The following ARHGEF28 variants were observed in gnomAD, a reference collection of about 807,000 sequenced individuals.
The protein encoded by ARHGEF28 is Rho guanine nucleotide exchange factor 28.
In ARHGEF28, 152 loss-of-function variants were observed where a neutral mutation model predicts 206.6. That is an observed-to-expected ratio of 0.74 (90% confidence interval 0.64 to 0.84). The LOEUF (loss-of-function observed/expected upper bound fraction) is 0.84. Among genes scored for constraint, ARHGEF28 ranks in the 40% least tolerant of loss-of-function variants. The pLI, the probability that ARHGEF28 is intolerant of heterozygous loss-of-function variation, is 0.00. For missense variants in ARHGEF28, 2,028 were observed against 2,073.2 expected (o/e 0.98, Z 0.42); for synonymous variants, 763 against 776.4 (o/e 0.98, Z 0.29).
intron 4 of ARHGEF28, among the ~76,000 whole-genome samples, chr5:73,754,245 A>G (rs1222120074): frequency 1.3e-5 from 2 of 152,222 alleles, no homozygotes; most frequent in African/African-American, 2.4e-5. Context: ...ACAGAATTAT[A>G]AAGCCATAAG....
chr5:73,632,989 C>T (rs1743462825), intron 1 of ARHGEF28, among the ~76,000 whole-genome samples: 1 of 151,708 alleles, frequency 6.6e-6, no homozygotes, highest in Non-Finnish European at 1.5e-5. Context: ...AGTTTGTTTT[C>T]CTGCAACTAG....
At chr5:73,808,400 G>A (rs776342570) in intron 9 of ARHGEF28, among the ~76,000 whole-genome samples, 9 of 152,100 alleles carry the variant, frequency 5.9e-5, no homozygotes, top group Non-Finnish European at 7.3e-5. Flanking sequence ...GAGTGACAGC[G>A]TCTTGGCACA....
At chr5:73,779,395 C>T (rs1753709523) in intron 6 of ARHGEF28, among the ~76,000 whole-genome samples, 2 of 152,050 alleles carry the variant, frequency 1.3e-5, no homozygotes, top group African/African-American at 4.8e-5. Context: ...AAGGTATATT[C>T]AAAATTACTT....
chr5:73,893,757 C>A (rs1418436434), intron 28 of ARHGEF28, among the ~76,000 whole-genome samples: 1 of 152,154 alleles, frequency 6.6e-6, no homozygotes, highest in Non-Finnish European at 1.5e-5. Context: ...TGGGCCTCAC[C>A]CTCCACCGAT....
rs949591944 is a variant in ARHGEF28 at position 73,795,232 on chromosome 5, T to C, written c.964-99T>C. 25 of 1,069,670 alleles carry C rather than the reference T, an allele frequency of 2.3e-5. No individual in the cohort carries two copies. In the East Asian group the frequency reaches 4.3e-4, roughly 18 times the overall value. 66.3% of individuals were successfully genotyped at this position (1,069,670 alleles called of 1,614,324 possible). On this transcript the variant is annotated intron_variant, in intron 8 of 35. Coordinates refer to ENST00000513042, the MANE Select transcript of ARHGEF28 (RefSeq NM_001177693.2). The stretch of plus-strand genomic sequence containing the variant: ...TGATGATACTTGTAACATGTTTTCA[T>C]TGATGCTTTCCAAGGTTGTTTTTCT...
At chr5:73,923,132 G>A in intron 35 of ARHGEF28, 1 of 1,535,870 alleles carries the variant, frequency 6.5e-7, no homozygotes, top group Non-Finnish European at 8.7e-7. Flanking sequence ...TCTCCCCCGG[G>A]ACTGTGGACT....
At chr5:73,799,169 C>A (rs967866612) in intron 9 of ARHGEF28, among the ~76,000 whole-genome samples, 6 of 152,112 alleles carry the variant, frequency 3.9e-5, no homozygotes, top group Admixed American at 3.3e-4. Context: ...CCAAATGGAC[C>A]CTTTGGGCAG....
chr5:73,822,129 GT>G (rs1397049624), intron 9 of ARHGEF28, among the ~76,000 whole-genome samples: 1 of 152,164 alleles, frequency 6.6e-6, no homozygotes, highest in Non-Finnish European at 1.5e-5. Context: ...GACCCAAAGT[GT>G]ACTTGTTATT....
intron 6 of ARHGEF28, among the ~76,000 whole-genome samples, chr5:73,779,481 T>A (rs1753713796): frequency 6.6e-6 from 1 of 152,220 alleles, no homozygotes; most frequent in South Asian, 2.1e-4. Flanking sequence ...AGTTTTGTTG[T>A]GTAATCAGAA....
chr5:73,778,839 A>T (rs59889319), intron 6 of ARHGEF28, among the ~76,000 whole-genome samples: 1 of 152,158 alleles, frequency 6.6e-6, no homozygotes, highest in African/African-American at 2.4e-5. Context: ...ATTTTGTATA[A>T]AAAGTATTCC....
intron 2 of ARHGEF28, among the ~76,000 whole-genome samples, chr5:73,718,583 G>T (rs113008303): frequency 2.6e-5 from 4 of 151,952 alleles, no homozygotes; most frequent in Admixed American, 6.6e-5. Context: ...TAGACGGTAC[G>T]TTGGTCTCTT....
At chr5:73,672,015 C>G (rs978439353) in intron 1 of ARHGEF28, among the ~76,000 whole-genome samples, 5 of 151,452 alleles carry the variant, frequency 3.3e-5, no homozygotes, top group African/African-American at 1.2e-4. Flanking sequence ...CCTTGGCCTC[C>G]CAAAGAACTT....
At chr5:73,925,730 GC>G (rs145259005) in intron 35 of ARHGEF28, among the ~76,000 whole-genome samples, 3,383 of 152,250 alleles carry the variant, frequency 0.022, 111 homozygotes, top group African/African-American at 0.074. Context: ...TTGGGGCCTA[GC>G]TTTTTTCACT....
chr5:73,727,841 G>A (rs953107085), intron 2 of ARHGEF28, among the ~76,000 whole-genome samples: 29 of 152,230 alleles, frequency 1.9e-4, no homozygotes, highest in African/African-American at 7.0e-4. Context: ...CCAATGCAGA[G>A]GACCATGGGG....
At chr5:73,703,592 C>T (rs1341844085) in intron 2 of ARHGEF28, among the ~76,000 whole-genome samples, 2 of 152,076 alleles carry the variant, frequency 1.3e-5, no homozygotes, top group African/African-American at 4.8e-5. Context: ...TCCTCTCTCT[C>T]TTTAATTCAG....
At chr5:73,741,341 A>G (rs866783063) in intron 2 of ARHGEF28, among the ~76,000 whole-genome samples, 1,351 of 66,168 alleles carry the variant, frequency 0.02, 53 homozygotes, top group Non-Finnish European at 0.03. Flanking sequence ...TTAAATTTAT[A>G]TGTGTGTGTG....
At chr5:73,749,738 T>C in intron 2 of ARHGEF28, 99 bp from the exon 3 acceptor site, 1 of 1,350,044 alleles carries the variant, frequency 7.4e-7, no homozygotes, top group Non-Finnish European at 1.0e-6. Context: ...GAAGTGAACA[T>C]AACAAATGAC....
At chr5:73,906,500 G>A (rs1310303297) in intron 33 of ARHGEF28, among the ~76,000 whole-genome samples, 1 of 152,202 alleles carries the variant, frequency 6.6e-6, no homozygotes, top group African/African-American at 2.4e-5. Flanking sequence ...GGGATTACAG[G>A]CATGAGTCAC....
At chr5:73,927,845 T>C (rs754308910) in intron 35 of ARHGEF28, among the ~76,000 whole-genome samples, 8 of 152,244 alleles carry the variant, frequency 5.3e-5, no homozygotes, top group East Asian at 1.9e-4. Context: ...AGGGTATTCA[T>C]ATCTGCACTA....
Sources: allele counts gnomAD v4.1 joint callset (sites outside exome capture counted in the v4.1 genomes callset), GRCh38; gene constraint gnomAD v4.1.1; transcripts MANE v1.5; gene names NCBI Gene and HGNC (gene_info 2026-07-23, HGNC 2026-07-21).